NAV2: variants seen among roughly 807,000 people sequenced by gnomAD.
The protein encoded by NAV2 is helicase, APC down-regulated 1.
NAV2 carries 54 observed loss-of-function variants against 223.2 expected under a neutral mutation model. That is an observed-to-expected ratio of 0.24 (90% CI 0.19 to 0.30). NAV2 has a LOEUF of 0.30. NAV2 is among the 10% of genes least tolerant of loss of function. The pLI is 1.00. For synonymous variants in NAV2, 1,279 were observed against 1,239.3 expected, an observed-to-expected ratio of 1.03 and a Z score of -0.67; for missense variants, 2,806 against 3,147.5, an observed-to-expected ratio of 0.89 and a Z score of 2.60.
chr11:20,069,822 C>T (rs6483637), intron 22 of NAV2, among the ~76,000 whole-genome samples: 49,096 of 151,984 alleles, frequency 0.32, 9,044 homozygotes, highest in African/African-American at 0.5. Context: ...GTCATTCGCC[C>T]GGAGTTTTTG....
At chr11:19,537,105 G>T (rs1267936645) in intron 1 of NAV2, among the ~76,000 whole-genome samples, 3 of 152,142 alleles carry the variant, frequency 2.0e-5, no homozygotes, top group Admixed American at 1.3e-4. Context: ...ATTATAAAAA[G>T]GGTCCCTGGG....
intron 1 of NAV2, among the ~76,000 whole-genome samples, chr11:19,584,426 G>A (rs2045825586): frequency 6.6e-6 from 1 of 152,094 alleles, no homozygotes; most frequent in African/African-American, 2.4e-5. Context: ...GCTAGCTTTT[G>A]AATGTGTTTG....
intron 1 of NAV2, among the ~76,000 whole-genome samples, chr11:19,641,261 C>T (rs1457009653): frequency 6.6e-6 from 1 of 152,136 alleles, no homozygotes; most frequent in Non-Finnish European, 1.5e-5. Flanking sequence ...TGACCAATGA[C>T]AGCATTTTCT....
At chr11:19,644,023 G>T (rs75763796) in intron 1 of NAV2, among the ~76,000 whole-genome samples, 1 of 152,082 alleles carries the variant, frequency 6.6e-6, no homozygotes, top group Admixed American at 6.5e-5. Context: ...TAGTAAGTAG[G>T]TACCCCTGTG....
chr11:19,360,060 G>A (rs1416071274), intron 1 of NAV2, among the ~76,000 whole-genome samples: 1 of 152,160 alleles, frequency 6.6e-6, no homozygotes, highest in Non-Finnish European at 1.5e-5. Context: ...ATCCCATCTT[G>A]TTGTGCCTAG....
chr11:20,078,239 C>G (rs568539420), intron 24 of NAV2, 135 bp downstream of exon 24: 3 of 692,118 alleles, frequency 4.3e-6, no homozygotes, highest in Admixed American at 5.8e-5. Context: ...CAAGCAGGAA[C>G]TGGAAGGCAA....
At chr11:19,860,321 G>A (rs1256721985) in intron 3 of NAV2, among the ~76,000 whole-genome samples, 1 of 137,470 alleles carries the variant, frequency 7.3e-6, no homozygotes, top group Non-Finnish European at 1.6e-5. Context: ...AGACAGGGCG[G>A]TTGCCAGGCA....
At chr11:19,802,221 A>T (rs2058309987) in intron 1 of NAV2, among the ~76,000 whole-genome samples, 1 of 152,114 alleles carries the variant, frequency 6.6e-6, no homozygotes, top group South Asian at 2.1e-4. Flanking sequence ...ATAGGAGGTC[A>T]GAAGGTCTTT....
At chr11:19,967,419 G>T (rs759345250) in intron 10 of NAV2, among the ~76,000 whole-genome samples, 5 of 151,888 alleles carry the variant, frequency 3.3e-5, no homozygotes, top group Non-Finnish European at 7.4e-5. Flanking sequence ...TTAGGAACAG[G>T]TAACAAGGTG....
At chr11:19,694,577 G>T (rs922938909) in intron 1 of NAV2, among the ~76,000 whole-genome samples, 1 of 152,180 alleles carries the variant, frequency 6.6e-6, no homozygotes, top group Non-Finnish European at 1.5e-5. Context: ...CCCACCTCTG[G>T]TCATAAAGAG....
At chr11:19,529,069 C>A (rs765244849) in intron 1 of NAV2, among the ~76,000 whole-genome samples, 1 of 152,174 alleles carries the variant, frequency 6.6e-6, no homozygotes, top group Non-Finnish European at 1.5e-5. Context: ...CGTGCACACA[C>A]ACACACACAC....
intron 1 of NAV2, among the ~76,000 whole-genome samples, chr11:19,455,623 G>A (rs969217732): frequency 6.6e-6 from 1 of 152,032 alleles, no homozygotes; most frequent in African/African-American, 2.4e-5. Context: ...TCTATGAATG[G>A]GCACTATTAT....
In NAV2 at chr11:20,092,214, A is replaced by T; in HGVS notation, c.5661A>T (p.Ile1887=). The change falls in exon 28 of 38, where the codon ATA becomes ATT. Residue 1887 remains isoleucine (I), a synonymous_variant. Transcript: ENST00000349880. ...TCCATTACTCTTTGCAGAGTGAAAT[A>T]GAGAAGCTGAAAGCTGAGAATGATC... The part of the protein sequence containing the change: ...REAMNRMQSE[I]EKLKAENDRL... 1 of 1,614,184 alleles carries T rather than the reference A, an allele frequency of 6.2e-7. No individual in the cohort carries two copies.
intron 6 of NAV2, among the ~76,000 whole-genome samples, chr11:19,932,571 G>T (rs1408518039): frequency 1.3e-5 from 2 of 152,080 alleles, no homozygotes; most frequent in Non-Finnish European, 2.9e-5. Flanking sequence ...TGCCCGCCTC[G>T]GCCTCCCAAA....
intron 1 of NAV2, among the ~76,000 whole-genome samples, chr11:19,694,355 C>G (rs1023952728): frequency 1.3e-5 from 2 of 152,202 alleles, no homozygotes; most frequent in South Asian, 2.1e-4. Context: ...ACAACCAGCT[C>G]TCTGCATGCA....
chr11:19,894,116 C>T (rs1461388031), intron 6 of NAV2, among the ~76,000 whole-genome samples: 2 of 152,196 alleles, frequency 1.3e-5, no homozygotes, highest in African/African-American at 2.4e-5. Flanking sequence ...TTATGAGTAC[C>T]TACCATGTGT....
intron 1 of NAV2, among the ~76,000 whole-genome samples, chr11:19,433,144 C>T (rs1349181203): frequency 6.6e-6 from 1 of 152,092 alleles, no homozygotes; most frequent in Non-Finnish European, 1.5e-5. Flanking sequence ...CTTCAAATGC[C>T]TGAAGGGTCA....
intron 1 of NAV2, among the ~76,000 whole-genome samples, chr11:19,458,160 G>A (rs1852023857): frequency 1.3e-5 from 2 of 152,228 alleles, no homozygotes; most frequent in Non-Finnish European, 2.9e-5. Flanking sequence ...TGGCGGAGGA[G>A]GTCCTGAGGA....
chr11:19,985,058 T>C (rs2050656066), intron 11 of NAV2, among the ~76,000 whole-genome samples: 1 of 152,234 alleles, frequency 6.6e-6, no homozygotes, highest in African/African-American at 2.4e-5. Flanking sequence ...TGATGAGATG[T>C]AACATGGAAT....
Sources: allele counts gnomAD v4.1 joint callset (sites outside exome capture counted in the v4.1 genomes callset), GRCh38; gene constraint gnomAD v4.1.1; transcripts MANE v1.5; gene names NCBI Gene and HGNC (gene_info 2026-07-23, HGNC 2026-07-21).